Variants in LHFPL3 observed in about 807,000 individuals in gnomAD.
LHFPL3 encodes LHFPL tetraspan subfamily member 3, also known as LHFPL tetraspan subfamily member 3 protein.
A neutral mutation model predicts 19.3 loss-of-function variants in LHFPL3; 5 were observed. The observed-to-expected ratio is 0.26, with a 90% CI of 0.14 to 0.54. LHFPL3 has a LOEUF of 0.54. Among genes scored for constraint, LHFPL3 ranks in the 20% least tolerant of loss-of-function variants. The probability of loss-of-function intolerance (pLI) is 0.94; values close to 1 mark genes in which losing one functional copy is unlikely to be tolerated. For missense variants in LHFPL3, 249 were observed against 307.4 expected (o/e 0.81, Z 1.42); for synonymous variants, 133 against 126.2 (o/e 1.05, Z -0.36).
chr7:104,859,148 T>A (rs1791566458), intron 2 of LHFPL3, among the ~76,000 whole-genome samples: 2 of 151,250 alleles, frequency 1.3e-5, no homozygotes, highest in Admixed American at 1.3e-4. Context: ...GTGCCTGTAA[T>A]CCCAGCTACT....
chr7:104,398,848 C>T (rs78260528), intron 1 of LHFPL3, among the ~76,000 whole-genome samples: 4 of 108,768 alleles, frequency 3.7e-5, no homozygotes, highest in Admixed American at 3.5e-4. Flanking sequence ...ATGCCCGCCC[C>T]CCGGCCCTGA....
In LHFPL3 at chr7:104,600,140, G is replaced by A. The variant is rs1279216360; in HGVS notation, c.446-136535G>A. Among the ~76,000 whole-genome samples the A allele has an allele frequency of 2.0e-5, 3 of 152,072 alleles. No homozygotes were observed. In the East Asian group the frequency reaches 5.8e-4, roughly 29 times the overall value. On this transcript the variant is annotated intron_variant, in intron 1 of 2. Transcript: ENST00000424859. The stretch of plus-strand genomic sequence containing the variant: ...GTTAAACCATTGGAACTATAACCTG[G>A]GGTACCCTAAAAACATGTTGAGGGG...
chr7:104,733,433 T>C (rs965528981), intron 1 of LHFPL3, among the ~76,000 whole-genome samples: 4 of 152,246 alleles, frequency 2.6e-5, no homozygotes, highest in African/African-American at 9.6e-5. Context: ...ATATTTAGGA[T>C]AGTTAGCTCT....
intron 1 of LHFPL3, among the ~76,000 whole-genome samples, chr7:104,644,913 G>T (rs1671120021): frequency 6.6e-6 from 1 of 152,134 alleles, no homozygotes; most frequent in African/African-American, 2.4e-5. Flanking sequence ...AAGTGGTTTT[G>T]AAAAATAGTG....
At chr7:104,429,281 G>A (rs193193208) in intron 1 of LHFPL3, among the ~76,000 whole-genome samples, 7 of 148,574 alleles carry the variant, frequency 4.7e-5, no homozygotes, top group African/African-American at 7.5e-5. Flanking sequence ...TGCATATTTC[G>A]GAATCTACCT....
chr7:104,730,789 C>T (rs1009424526), intron 1 of LHFPL3, among the ~76,000 whole-genome samples: 1 of 152,174 alleles, frequency 6.6e-6, no homozygotes, highest in African/African-American at 2.4e-5. Context: ...GTTGCCATTA[C>T]TTTTGGTGTT....
At chr7:104,812,984 A>G (rs190347963) in intron 2 of LHFPL3, among the ~76,000 whole-genome samples, 1,848 of 151,906 alleles carry the variant, frequency 0.012, 20 homozygotes, top group Non-Finnish European at 0.02. Flanking sequence ...GTGGTGGCTC[A>G]CACCTGTAAT....
chr7:104,513,391 T>G (rs1793858935), intron 1 of LHFPL3, among the ~76,000 whole-genome samples: 2 of 152,200 alleles, frequency 1.3e-5, no homozygotes, highest in Non-Finnish European at 2.9e-5. Context: ...GCATGGAAGG[T>G]GACCTATTGT....
chr7:104,637,279 A>G (rs1218815046), intron 1 of LHFPL3, among the ~76,000 whole-genome samples: 1 of 152,178 alleles, frequency 6.6e-6, no homozygotes, highest in African/African-American at 2.4e-5. Context: ...TCTGGATATT[A>G]CACCTTTGTC....
chr7:104,768,044 A>G lies in LHFPL3; in HGVS notation c.682+31133A>G, dbSNP rs147799037. ...TGAGATAATGACTCTTTCAGCAAAG[A>G]AAAAGAAGCTACTGACTTCTTCCCC... On this transcript the variant is annotated intron_variant, in intron 2 of 2. Coordinates refer to ENST00000424859, the MANE Select transcript of LHFPL3 (RefSeq NM_199000.3). Among the ~76,000 whole-genome samples the G allele has an allele frequency of 7.3e-3, 1,107 of 152,214 alleles. 16 individuals are homozygous for G. The highest frequency in any genetic ancestry group is 0.024 in the African/African-American group (998 of 41,508).
chr7:104,762,329 A>C (rs1794384781), intron 2 of LHFPL3, among the ~76,000 whole-genome samples: 1 of 152,234 alleles, frequency 6.6e-6, no homozygotes, highest in South Asian at 2.1e-4. Context: ...TAGTTCAGGC[A>C]AGCAATAGCA....
intron 2 of LHFPL3, among the ~76,000 whole-genome samples, chr7:104,874,033 C>A (rs1174591720): frequency 6.6e-6 from 1 of 152,172 alleles, no homozygotes. Flanking sequence ...TGATGCAAAC[C>A]AAACACTGCT....
chr7:104,736,984 T>A (rs1793838235), intron 2 of LHFPL3, 73 bp downstream of exon 2: 1 of 1,189,932 alleles, frequency 8.4e-7, no homozygotes, highest in Admixed American at 2.1e-5. Context: ...TTCTTTCCCC[T>A]CAAATACTAG....
intron 1 of LHFPL3, among the ~76,000 whole-genome samples, chr7:104,419,983 C>G (rs1335810748): frequency 6.6e-6 from 1 of 152,136 alleles, no homozygotes; most frequent in Non-Finnish European, 1.5e-5. Context: ...ACAACAACAA[C>G]AACAACAAAA....
At chr7:104,459,168 A>C (rs146285308) in intron 1 of LHFPL3, among the ~76,000 whole-genome samples, 66 of 152,314 alleles carry the variant, frequency 4.3e-4, no homozygotes, top group African/African-American at 1.3e-3. Flanking sequence ...TTCTTAAGTA[A>C]CTTCTACCAC....
intron 2 of LHFPL3, among the ~76,000 whole-genome samples, chr7:104,779,554 C>T (rs1794686082): frequency 1.3e-5 from 2 of 152,080 alleles, no homozygotes; most frequent in Non-Finnish European, 2.9e-5. Flanking sequence ...TTCCCCTCTC[C>T]CTGCACCAGG....
chr7:104,685,933 A>C (rs1169631642), intron 1 of LHFPL3, among the ~76,000 whole-genome samples: 1 of 152,238 alleles, frequency 6.6e-6, no homozygotes, highest in African/African-American at 2.4e-5. Context: ...GGAGCCTACC[A>C]TTCAGATAAC....
At chr7:104,668,300 T>G (rs1792399381) in intron 1 of LHFPL3, 7 of 1,605,852 alleles carry the variant, frequency 4.4e-6, no homozygotes, top group South Asian at 1.1e-5. Context: ...ATCCTCCTTT[T>G]GGCCGTGATA....
chr7:104,454,204 G>A (rs1005436679), intron 1 of LHFPL3, among the ~76,000 whole-genome samples: 2 of 152,142 alleles, frequency 1.3e-5, no homozygotes, highest in Admixed American at 6.5e-5. Context: ...GACTTCTTAG[G>A]CAGAGCAAAA....
Sources: allele counts gnomAD v4.1 joint callset (sites outside exome capture counted in the v4.1 genomes callset), GRCh38; gene constraint gnomAD v4.1.1; transcripts MANE v1.5; gene names NCBI Gene and HGNC (gene_info 2026-07-23, HGNC 2026-07-21).